PACRG: variants seen among roughly 807,000 people sequenced by gnomAD.
The protein encoded by PACRG is parkin coregulated gene protein.
A neutral mutation model predicts 29.7 loss-of-function variants in PACRG; 29 were observed. The observed-to-expected ratio is 0.98, with a 90% CI of 0.73 to 1.33. The LOEUF (loss-of-function observed/expected upper bound fraction) is 1.33, where lower values mean the gene tolerates loss of function less well. Ranked by LOEUF, PACRG falls within the 40% of genes most tolerant of loss-of-function variation. The pLI, the probability that PACRG is intolerant of heterozygous loss-of-function variation, is 0.00. For missense variants in PACRG, 279 were observed against 316.2 expected (o/e 0.88, Z 0.89); for synonymous variants, 116 against 118.7 (o/e 0.98, Z 0.15).
chr6:162,767,968 T>C (rs1782928428), intron 1 of PACRG, among the ~76,000 whole-genome samples: 1 of 152,068 alleles, frequency 6.6e-6, no homozygotes, highest in Admixed American at 6.6e-5. Context: ...TTTTTCACTA[T>C]TTTAGTTTTT....
At chr6:163,228,498 C>T (rs16894659) in intron 4 of PACRG, among the ~76,000 whole-genome samples, 3,732 of 151,664 alleles carry the variant, frequency 0.025, 106 homozygotes, top group East Asian at 0.11. Context: ...ATTATGCTGG[C>T]GGTCAGTTTA....
At chr6:162,773,539 G>C (rs1254432853) in intron 1 of PACRG, among the ~76,000 whole-genome samples, 2 of 108,656 alleles carry the variant, frequency 1.8e-5, no homozygotes, top group South Asian at 2.9e-4. Context: ...ACGGAGTCTC[G>C]CTCTGTCGCC....
rs151065649 is a variant in PACRG at position 163,113,913 on chromosome 6, A to C, written c.613+24505A>C. On this transcript the variant is annotated intron_variant, in intron 4 of 4. Transcript: ENST00000366888. Reference sequence around the variant, plus strand: ...TTTTGTTTTCTACATTATTTAACCTATTAATGCATAAAAAATACAAGTTCA... The same window carrying C: ...TTTTGTTTTCTACATTATTTAACCTCTTAATGCATAAAAAATACAAGTTCA... 2.4e-3 allele frequency among the ~76,000 whole-genome samples: 363 copies of C among 152,334 alleles called. 1 individual carries two copies. The highest frequency in any genetic ancestry group is 7.7e-3 in the African/African-American group (320 of 41,592).
intron 4 of PACRG, among the ~76,000 whole-genome samples, chr6:163,201,828 A>G (rs563904333): frequency 6.6e-6 from 1 of 152,302 alleles, no homozygotes; most frequent in African/African-American, 2.4e-5. Flanking sequence ...CCATTGACAC[A>G]GTCAGATGTG....
At chr6:162,821,733 T>C (rs922071198) in intron 2 of PACRG, among the ~76,000 whole-genome samples, 38 of 152,328 alleles carry the variant, frequency 2.5e-4, no homozygotes, top group Middle Eastern at 6.8e-3. Flanking sequence ...TGGTCTTTGA[T>C]GAATTTTCTG....
At chr6:163,162,342 G>T (rs576263152) in intron 4 of PACRG, among the ~76,000 whole-genome samples, 7 of 152,198 alleles carry the variant, frequency 4.6e-5, no homozygotes, top group Non-Finnish European at 5.9e-5. Context: ...CTCAATCCTG[G>T]CTGCACGTTG....
chr6:163,182,158 G>A (rs976603936), intron 4 of PACRG, among the ~76,000 whole-genome samples: 2 of 152,120 alleles, frequency 1.3e-5, no homozygotes, highest in Non-Finnish European at 2.9e-5. Flanking sequence ...TGTGTTCCAC[G>A]GTCCGGTGGT....
chr6:163,050,971 C>T (rs1292660770), intron 2 of PACRG, among the ~76,000 whole-genome samples: 1 of 152,174 alleles, frequency 6.6e-6, no homozygotes, highest in African/African-American at 2.4e-5. Context: ...CTCTGGAGCT[C>T]CTGTGAGTGA....
intron 2 of PACRG, among the ~76,000 whole-genome samples, chr6:162,966,609 T>A (rs1801048077): frequency 6.6e-6 from 1 of 151,894 alleles, no homozygotes; most frequent in South Asian, 2.1e-4. Context: ...CATGAGCAGC[T>A]GGGACTACAG....
At chr6:163,027,718 T>C (rs1408710) in intron 2 of PACRG, among the ~76,000 whole-genome samples, 25,204 of 152,168 alleles carry the variant, frequency 0.17, 2,351 homozygotes, top group East Asian at 0.26. Flanking sequence ...GAAGCACTTC[T>C]ATAAAGGCTC....
At chr6:163,166,823 T>C (rs1424091743) in intron 4 of PACRG, among the ~76,000 whole-genome samples, 1 of 152,168 alleles carries the variant, frequency 6.6e-6, no homozygotes, top group Non-Finnish European at 1.5e-5. Flanking sequence ...GCTGAATGAG[T>C]ATAAAATTGG....
At chr6:162,986,937 A>G (rs1187916740) in intron 2 of PACRG, among the ~76,000 whole-genome samples, 1 of 150,512 alleles carries the variant, frequency 6.6e-6, no homozygotes, top group Non-Finnish European at 1.5e-5. Context: ...ATTTTTTTTC[A>G]ATTTTTTAAA....
chr6:163,026,552 G>A (rs1562844002), intron 2 of PACRG, among the ~76,000 whole-genome samples: 1 of 152,228 alleles, frequency 6.6e-6, no homozygotes, highest in Non-Finnish European at 1.5e-5. Context: ...TTACTATAGT[G>A]CTGTGTCCTT....
chr6:163,149,407 CCA>C (rs2128337743), intron 4 of PACRG, among the ~76,000 whole-genome samples: 1 of 152,290 alleles, frequency 6.6e-6, no homozygotes, highest in East Asian at 1.9e-4. Context: ...AAAGCCAAGG[CCA>C]CGTCTATGTG....
chr6:163,005,346 G>A (rs1804967086), intron 2 of PACRG, among the ~76,000 whole-genome samples: 2 of 151,536 alleles, frequency 1.3e-5, no homozygotes, highest in South Asian at 2.1e-4. Context: ...GATTACTTTG[G>A]TTTGCATTTG....
chr6:162,983,370 A>G (rs941661191), intron 2 of PACRG, among the ~76,000 whole-genome samples: 2 of 150,372 alleles, frequency 1.3e-5, no homozygotes, highest in Non-Finnish European at 3.0e-5. Flanking sequence ...TAAATACCTT[A>G]TTTTTTTTTC....
intron 4 of PACRG, among the ~76,000 whole-genome samples, chr6:163,105,741 T>C (rs1815345800): frequency 6.6e-6 from 1 of 152,112 alleles, no homozygotes; most frequent in South Asian, 2.1e-4. Flanking sequence ...TATCCAACAT[T>C]GTGACGTGAT....
At chr6:162,882,316 G>A (rs929736557) in intron 2 of PACRG, among the ~76,000 whole-genome samples, 7 of 149,722 alleles carry the variant, frequency 4.7e-5, no homozygotes, top group Admixed American at 2.0e-4. Context: ...CCAGAGACCC[G>A]GGGGCCCTCT....
chr6:162,932,042 T>G (rs1303505553), intron 2 of PACRG, among the ~76,000 whole-genome samples: 5 of 151,998 alleles, frequency 3.3e-5, no homozygotes, highest in Non-Finnish European at 5.9e-5. Context: ...AAGCAAATGA[T>G]GATGTACGCA....
Sources: allele counts gnomAD v4.1 joint callset (sites outside exome capture counted in the v4.1 genomes callset), GRCh38; gene constraint gnomAD v4.1.1; transcripts MANE v1.5; gene names NCBI Gene and HGNC (gene_info 2026-07-23, HGNC 2026-07-21).